The following WDPCP variants were observed in gnomAD, a reference collection of about 807,000 sequenced individuals.
WDPCP encodes the protein WD repeat containing planar cell polarity effector, also known as WD repeat-containing and planar cell polarity effector protein fritz homolog.
Under a neutral mutation model 93.1 loss-of-function variants are expected in WDPCP, and 71 were observed. That is an observed-to-expected ratio of 0.76 (90% CI 0.63 to 0.93). The LOEUF (loss-of-function observed/expected upper bound fraction) is 0.93, where lower values mean the gene tolerates loss of function less well. Ranked by LOEUF, WDPCP falls within the 40% of genes least tolerant of loss-of-function variation. The pLI, the probability that WDPCP is intolerant of heterozygous loss-of-function variation, is 0.00. For synonymous variants in WDPCP, 315 were observed against 315.0 expected, an observed-to-expected ratio of 1.00 and a Z score of 0.00; for missense variants, 844 against 887.4, an observed-to-expected ratio of 0.95 and a Z score of 0.62.
chr2:63,833,886 C>T, the WDPCP span, among the ~76,000 whole-genome samples: 12 of 152,118 alleles, frequency 7.9e-5, 1 homozygote, highest in East Asian at 2.1e-3. Flanking sequence ...GGAATATATA[C>T]ACCTTGCTTG....
At chr2:63,566,428 T>C (rs946755777) in intron 1 of WDPCP, among the ~76,000 whole-genome samples, 3 of 152,250 alleles carry the variant, frequency 2.0e-5, no homozygotes, top group Admixed American at 2.0e-4. Context: ...TGAGCCAATG[T>C]ACTTCTTTCT....
chr2:63,589,196 C>T, upstream of WDPCP: 1 of 1,596,080 alleles, frequency 6.3e-7, no homozygotes, highest in Non-Finnish European at 8.5e-7. Flanking sequence ...TGGGGATTGC[C>T]GCAGTGACCC....
chr2:63,380,106 T>C (rs1692176970), intron 11 of WDPCP, among the ~76,000 whole-genome samples: 1 of 152,168 alleles, frequency 6.6e-6, no homozygotes, highest in Non-Finnish European at 1.5e-5. Flanking sequence ...GCTAGCAATT[T>C]TTCAGTGTGC....
chr2:63,676,567 A>G (rs915110805), intron 2 of WDPCP, among the ~76,000 whole-genome samples: 1 of 152,202 alleles, frequency 6.6e-6, no homozygotes, highest in Admixed American at 6.5e-5. Context: ...GAAAAGAACC[A>G]AAAACAAAAA....
At chr2:63,665,593 A>G (rs262524) in intron 2 of WDPCP, among the ~76,000 whole-genome samples, 122,081 of 152,192 alleles carry the variant, frequency 0.8, 49,390 homozygotes, top group East Asian at 0.98. Context: ...TGAATTTTGG[A>G]GGACCCAATT....
At chr2:63,487,310 C>T in intron 3 of WDPCP, 137 bp downstream of exon 3, 1 of 610,802 alleles carries the variant, frequency 1.6e-6, no homozygotes, top group Non-Finnish European at 2.9e-6. Flanking sequence ...CAGCATTTTT[C>T]TAAAGAACTG....
rs558884526 is a variant in WDPCP, at chr2:63,170,059, A to T, written c.2078+4611T>A. ...AGGCGTGGACCACCATGCCAGGCTA[A>T]TTTTTTTTTTTTTCAGTAGAGATGA... On this transcript the variant is annotated intron_variant, in intron 15 of 17. Coordinates refer to ENST00000272321, the MANE Select transcript of WDPCP (RefSeq NM_015910.7). 1.1e-4 allele frequency among the ~76,000 whole-genome samples: 16 copies of T among 144,558 alleles called. No homozygotes were observed. The East Asian group carries it at 3.1e-3, about 28-fold the overall frequency. The allele number at this position is 144,558 out of a possible 152,430, so 94.8% of individuals were successfully genotyped here.
At chr2:63,465,380 A>C (rs967148030) in intron 6 of WDPCP, among the ~76,000 whole-genome samples, 5 of 152,112 alleles carry the variant, frequency 3.3e-5, no homozygotes, top group Admixed American at 6.6e-5. Context: ...TTCCACTACT[A>C]TGCTGCACAT....
At chr2:63,517,340 A>G (rs1702621144) in intron 1 of WDPCP, among the ~76,000 whole-genome samples, 1 of 152,116 alleles carries the variant, frequency 6.6e-6, no homozygotes, top group African/African-American at 2.4e-5. Context: ...CTATGTTTCA[A>G]GTCCTTATAC....
intron 12 of WDPCP, among the ~76,000 whole-genome samples, chr2:63,347,322 A>G (rs553944864): frequency 6.6e-6 from 1 of 152,350 alleles, no homozygotes; most frequent in South Asian, 2.1e-4. Context: ...TTTGATTATA[A>G]GTATATCTGA....
chr2:63,275,803 A>C (rs992395119), intron 13 of WDPCP, among the ~76,000 whole-genome samples: 2 of 152,230 alleles, frequency 1.3e-5, no homozygotes, highest in African/African-American at 4.8e-5. Context: ...AAAATGAATC[A>C]GAGAGCACCA....
At chr2:63,230,046 A>C (rs1198311395) in intron 14 of WDPCP, among the ~76,000 whole-genome samples, 1 of 151,296 alleles carries the variant, frequency 6.6e-6, no homozygotes, top group Non-Finnish European at 1.5e-5. Flanking sequence ...TTAACTCATC[A>C]TTTGCATTAG....
At chr2:63,628,570 CAG>C (rs1384310086) in intron 3 of WDPCP, among the ~76,000 whole-genome samples, 1 of 152,110 alleles carries the variant, frequency 6.6e-6, no homozygotes, top group Non-Finnish European at 1.5e-5. Context: ...AGATTCAAAA[CAG>C]AAAATTTTTC....
chr2:63,736,824 C>T (rs540952917), intron 2 of WDPCP, among the ~76,000 whole-genome samples: 66 of 152,216 alleles, frequency 4.3e-4, no homozygotes, highest in African/African-American at 1.5e-3. Context: ...AATTTTGCTG[C>T]TTTTTATTTT....
intron 3 of WDPCP, chr2:63,605,460 A>G: frequency 1.8e-6 from 2 of 1,133,722 alleles, no homozygotes; most frequent in Non-Finnish European, 2.7e-6. Context: ...ATAATATAAA[A>G]AGAATATAGC....
chr2:63,194,817 T>C (rs560164579), intron 14 of WDPCP, among the ~76,000 whole-genome samples: 2 of 152,284 alleles, frequency 1.3e-5, no homozygotes, highest in African/African-American at 2.4e-5. Context: ...CATAACTTGA[T>C]AGGAAAAGAA....
chr2:63,382,833 C>G (rs866934841), intron 10 of WDPCP, among the ~76,000 whole-genome samples: 2 of 152,106 alleles, frequency 1.3e-5, no homozygotes, highest in African/African-American at 4.8e-5. Context: ...ATTGCCCTGA[C>G]TATACTAAGC....
At position 63,752,601 on chromosome 2, in the gene WDPCP, G is replaced by C. The variant is rs541133449; in HGVS notation, n.308+61021C>G. 6 of 571,604 alleles carry C rather than the reference G, an allele frequency of 1.0e-5. No individual in the cohort carries two copies. The East Asian group carries it at 1.8e-4, about 17-fold the overall frequency. The allele number at this position is 571,604 out of a possible 1,614,324, so 35.4% of individuals were successfully genotyped here. ...AGCCTTCCAGTGAAGAGCTGCTCAG[G>C]CTCTTTAGGATACTGATTTAGACAT... On this transcript the variant is annotated intron_variant and non_coding_transcript_variant, in intron 2 of 4. Coordinates refer to the WDPCP transcript ENST00000467687.
At chr2:63,280,107 G>T (rs574631514) in intron 13 of WDPCP, among the ~76,000 whole-genome samples, 1 of 152,164 alleles carries the variant, frequency 6.6e-6, no homozygotes, top group South Asian at 2.1e-4. Flanking sequence ...CACAAAACTA[G>T]AAAAAACAAT....
Sources: allele counts gnomAD v4.1 joint callset (sites outside exome capture counted in the v4.1 genomes callset), GRCh38; gene constraint gnomAD v4.1.1; transcripts MANE v1.5; gene names NCBI Gene and HGNC (gene_info 2026-07-23, HGNC 2026-07-21).